Variants in DNAH11 observed in about 807,000 individuals in gnomAD.
DNAH11 encodes the protein dynein axonemal heavy chain 11.
Under a neutral mutation model 526.0 loss-of-function variants are expected in DNAH11, and 442 were observed. The observed-to-expected ratio is 0.84, with a 90% CI of 0.78 to 0.91. The LOEUF is 0.91. Ranked by LOEUF, DNAH11 falls within the 40% of genes least tolerant of loss-of-function variation. The probability of loss-of-function intolerance (pLI) is 0.00; values close to 1 mark genes in which losing one functional copy is unlikely to be tolerated. For synonymous variants in DNAH11, 2,461 were observed against 1,935.9 expected, an observed-to-expected ratio of 1.27 and a Z score of -7.12; for missense variants, 6,989 against 5,448.7, an observed-to-expected ratio of 1.28 and a Z score of -8.90.
chr7:21,900,723 T>C (rs1273844545), intron 81 of DNAH11, among the ~76,000 whole-genome samples: 4 of 146,446 alleles, frequency 2.7e-5, no homozygotes, highest in African/African-American at 9.7e-5. Flanking sequence ...GAGGGCAAAC[T>C]AGTTCAGTGT....
chr7:21,722,135 C>A (rs1271676875), intron 44 of DNAH11, among the ~76,000 whole-genome samples: 3 of 152,150 alleles, frequency 2.0e-5, no homozygotes, highest in African/African-American at 7.2e-5. Context: ...CACCATGCAC[C>A]TCTATGTGTA....
chr7:21,607,779 T>TA (rs930863000), intron 20 of DNAH11, among the ~76,000 whole-genome samples: 21 of 148,154 alleles, frequency 1.4e-4, no homozygotes, highest in East Asian at 3.9e-4. Flanking sequence ...AAATAAAAAT[T>TA]AAAAAAAAAA....
chr7:21,900,189 C>T, intron 81 of DNAH11, 69 bp downstream of exon 81: 2 of 1,470,746 alleles, frequency 1.4e-6, no homozygotes, highest in Admixed American at 2.3e-5. Context: ...TTGTCCTCTG[C>T]TTACTGTTTC....
At chr7:21,585,516 A>G (rs1784453130) in intron 9 of DNAH11, among the ~76,000 whole-genome samples, 1 of 152,188 alleles carries the variant, frequency 6.6e-6, no homozygotes, top group Non-Finnish European at 1.5e-5. Context: ...ACCGGAACTG[A>G]GCGCTATTCT....
chr7:21,655,907 C>T lies in DNAH11; in HGVS notation c.5020C>T (p.His1674Tyr), dbSNP rs1452090160. Residue 1674 changes from histidine to tyrosine, a missense_variant, in exon 29 of 82, where the codon CAC becomes TAC. His to Tyr is a moderately conservative substitution (Grantham distance 83, BLOSUM62 2). Transcript: ENST00000409508. Reference sequence around the variant, plus strand: ...TGAAGACAATCAGGATGTTTCTGCACACAGGGCAGTTGGAATGTACAGCAA... The same window carrying T: ...TGAAGACAATCAGGATGTTTCTGCATACAGGGCAGTTGGAATGTACAGCAA... ...QFEDNQDVSAHRAVGMYSKEK... is the reference protein window; with the variant it reads ...QFEDNQDVSAYRAVGMYSKEK... 3 of 1,613,322 alleles carry T rather than the reference C, an allele frequency of 1.9e-6. No individual in the cohort carries two copies. The highest frequency in any genetic ancestry group is 2.2e-5 in the South Asian group (2 of 90,994).
chr7:21,584,863 T>C (rs1004368781), intron 9 of DNAH11, among the ~76,000 whole-genome samples: 2 of 151,992 alleles, frequency 1.3e-5, no homozygotes, highest in African/African-American at 2.4e-5. Context: ...ATAACAGAAT[T>C]CAAGTATTAT....
intron 64 of DNAH11, 102 bp from the exon 65 acceptor site, chr7:21,818,115 C>A: frequency 8.5e-7 from 1 of 1,171,904 alleles, no homozygotes; most frequent in Non-Finnish European, 1.2e-6. Flanking sequence ...AAGTTTGTCC[C>A]ATTTAGAATA....
Position 21,711,888 on chromosome 7 carries a change from G to C in DNAH11, c.6983+28G>C, listed in dbSNP as rs764247873. 7 of 1,576,278 alleles carry C rather than the reference G, an allele frequency of 4.4e-6. No homozygotes were observed. In the South Asian group the frequency reaches 6.9e-5, roughly 16 times the overall value. On this transcript the variant is annotated intron_variant, in intron 42 of 81. Transcript: ENST00000409508. ...GAGTATTTCTTTTTGTTTTATTGTA[G>C]TAAATTGTATGTAACATAACATTTA... is the stretch of plus-strand genomic sequence containing the variant.
At chr7:21,634,848 G>A (rs1250575459) in intron 25 of DNAH11, among the ~76,000 whole-genome samples, 1 of 152,134 alleles carries the variant, frequency 6.6e-6, no homozygotes, top group Non-Finnish European at 1.5e-5. Context: ...GACATATGAG[G>A]ACAGATTTAA....
intron 76 of DNAH11, 107 bp downstream of exon 76, chr7:21,884,517 G>T (rs1449845439): frequency 2.5e-6 from 3 of 1,217,678 alleles, no homozygotes; most frequent in Non-Finnish European, 2.2e-6. Flanking sequence ...TGTTATTGAG[G>T]ATGCTTGGCC....
At chr7:21,793,971 A>T (rs76329448) in intron 61 of DNAH11, among the ~76,000 whole-genome samples, 1 of 151,250 alleles carries the variant, frequency 6.6e-6, no homozygotes, top group Non-Finnish European at 1.5e-5. Context: ...TCCTTTTTTC[A>T]CCTCTGTGTA....
rs1784834887 is a variant in DNAH11 at position 21,901,384 on chromosome 7, TC to T, written c.*132del. Reference sequence around the variant, plus strand: ...CACGTGCATTCTTTTTTCAACGCTATCCTTAGAGTGAAAGTCAGAAAAAAAT... The same window carrying T: ...CACGTGCATTCTTTTTTCAACGCTATCTTAGAGTGAAAGTCAGAAAAAAAT... On this transcript the variant is annotated 3_prime_UTR_variant, in exon 82 of 82. Transcript: ENST00000409508. The T allele has an allele frequency of 7.8e-7, 1 of 1,285,208 alleles. No individual in the cohort carries two copies. Among genetic ancestry groups the T allele is most frequent in the Non-Finnish European group, 1.0e-6 (1 of 991,600 alleles). 79.6% of individuals were successfully genotyped at this position (1,285,208 alleles called of 1,614,324 possible). A position where few individuals can be genotyped will look rare whatever the true frequency, so the allele number is the denominator to read the frequency against.
At chr7:21,679,554 G>A (rs1317721672) in intron 30 of DNAH11, among the ~76,000 whole-genome samples, 1 of 152,148 alleles carries the variant, frequency 6.6e-6, no homozygotes, top group Non-Finnish European at 1.5e-5. Context: ...TGGAGAAATA[G>A]GGCAAATGCT....
At chr7:21,848,860 A>G (rs1782518721) in intron 66 of DNAH11, among the ~76,000 whole-genome samples, 1 of 151,984 alleles carries the variant, frequency 6.6e-6, no homozygotes. Context: ...TGCAATATAC[A>G]TTTACAACTA....
At chr7:21,722,524 T>G (rs566669411) in intron 44 of DNAH11, among the ~76,000 whole-genome samples, 6 of 152,324 alleles carry the variant, frequency 3.9e-5, no homozygotes, top group African/African-American at 1.2e-4. Flanking sequence ...TATAATCTGT[T>G]GGCCAGTTCC....
At chr7:21,641,177 A>G (rs1787110851) in intron 28 of DNAH11, among the ~76,000 whole-genome samples, 2 of 152,180 alleles carry the variant, frequency 1.3e-5, no homozygotes, top group Non-Finnish European at 2.9e-5. Flanking sequence ...GGGCACATCA[A>G]AGATTCACTT....
At chr7:21,638,787 T>C (rs1276486825) in intron 27 of DNAH11, among the ~76,000 whole-genome samples, 152 bp from the exon 28 acceptor site, 2 of 151,272 alleles carry the variant, frequency 1.3e-5, no homozygotes, top group Non-Finnish European at 2.9e-5. Context: ...ATAAGCAAGA[T>C]AGATGATGGT....
At chr7:21,859,926 T>A (rs1158556408) in intron 68 of DNAH11, among the ~76,000 whole-genome samples, 11 of 151,998 alleles carry the variant, frequency 7.2e-5, no homozygotes, top group Non-Finnish European at 1.3e-4. Context: ...GATTTTAAAA[T>A]AAGGACATAA....
chr7:21,822,682 A>G (rs141818858), intron 65 of DNAH11, among the ~76,000 whole-genome samples: 73 of 152,342 alleles, frequency 4.8e-4, no homozygotes, highest in African/African-American at 1.7e-3. Flanking sequence ...CATGACCATG[A>G]GGAATCTCTA....
Sources: gnomAD v4.1 joint callset for allele counts (sites outside exome capture counted in the v4.1 genomes callset) on GRCh38, gnomAD v4.1.1 for gene constraint, MANE v1.5 for transcripts, NCBI Gene and HGNC (gene_info 2026-07-23, HGNC 2026-07-21) for gene names.